TFCP2: variants seen among roughly 807,000 people sequenced by gnomAD.
TFCP2 encodes the protein transcription factor CP2.
A neutral mutation model predicts 73.4 loss-of-function variants in TFCP2; 33 were observed. The ratio of observed to expected loss-of-function variants is 0.45; its 90% CI spans 0.34 to 0.60. The LOEUF is 0.60. Ranked by LOEUF, TFCP2 falls within the 20% of genes least tolerant of loss-of-function variation. The pLI, the probability that TFCP2 is intolerant of heterozygous loss-of-function variation, is 0.01. For missense variants in TFCP2, 352 were observed against 604.0 expected, an observed-to-expected ratio of 0.58 and a Z score of 4.37; for synonymous variants, 193 against 211.6, an observed-to-expected ratio of 0.91 and a Z score of 0.76.
chr12:51,158,264 C>T (rs1051977471), intron 1 of TFCP2, among the ~76,000 whole-genome samples: 1 of 152,052 alleles, frequency 6.6e-6, no homozygotes, highest in Non-Finnish European at 1.5e-5. Context: ...AGAGCCCCCC[C>T]ATTCCTAAAG....
At chr12:51,159,325 T>C (rs1481290861) in intron 1 of TFCP2, among the ~76,000 whole-genome samples, 2 of 151,992 alleles carry the variant, frequency 1.3e-5, no homozygotes, top group Admixed American at 1.3e-4. Flanking sequence ...AATTCTTTCT[T>C]TTATTTTTAA....
chr12:51,116,519 C>T (rs531860490), intron 3 of TFCP2, 99 bp from the exon 4 acceptor site: 69 of 542,162 alleles, frequency 1.3e-4, no homozygotes, highest in African/African-American at 7.5e-4. Flanking sequence ...TGTTTCTAAA[C>T]GCAATCTAAA....
At chr12:51,138,465 T>C (rs1392656299) in intron 1 of TFCP2, among the ~76,000 whole-genome samples, 1 of 152,036 alleles carries the variant, frequency 6.6e-6, no homozygotes, top group Non-Finnish European at 1.5e-5. Context: ...CCTAGTTTTC[T>C]GTGTTTTAAG....
At chr12:51,167,870 G>A (rs1355144070) in intron 1 of TFCP2, among the ~76,000 whole-genome samples, 1 of 152,042 alleles carries the variant, frequency 6.6e-6, no homozygotes. Flanking sequence ...AGATCAGCCT[G>A]AGCAACACAG....
chr12:51,117,727 T>C lies in TFCP2; in HGVS notation c.295A>G (p.Met99Val). ...TCTCCAAGTTTCCTATTGTCTAGCATTCGAATTTCATAAGACTGTCCTAGA... is the reference window on the plus strand; with the variant it reads ...TCTCCAAGTTTCCTATTGTCTAGCACTCGAATTTCATAAGACTGTCCTAGA... ...LNQGQSYEIR[M>V]LDNRKLGELP... The change falls in exon 3 of 15, where the codon ATG (methionine) becomes GTG (valine). Residue 99 changes from methionine to valine, a missense_variant. Met to Val is a conservative substitution (Grantham distance 21). Transcript: ENST00000257915. 6.2e-7 allele frequency: 1 copy of C among 1,612,804 alleles called. No individual in the cohort carries two copies. The highest frequency in any genetic ancestry group is 8.5e-7 in the Non-Finnish European group (1 of 1,179,334).
chr12:51,162,142 C>A (rs115727015), intron 1 of TFCP2, among the ~76,000 whole-genome samples: 1 of 151,222 alleles, frequency 6.6e-6, no homozygotes, highest in Non-Finnish European at 1.5e-5. Context: ...GAAAAAAAAA[C>A]GAACAAAGAA....
Position 51,140,452 on chromosome 12 carries a change from T to C in TFCP2, c.123-21680A>G, listed in dbSNP as rs1401104915. Among the ~76,000 whole-genome samples the C allele has an allele frequency of 3.6e-5, 5 of 138,076 alleles. No homozygotes were observed. In the East Asian group the frequency reaches 8.2e-4, roughly 23 times the overall value. 90.6% of individuals were successfully genotyped at this position (138,076 alleles called of 152,430 possible). A position where few individuals can be genotyped will look rare whatever the true frequency, so the allele number is the denominator to read the frequency against. On this transcript the variant is annotated intron_variant, in intron 1 of 14. Coordinates refer to ENST00000257915, the MANE Select transcript of TFCP2 (RefSeq NM_005653.5). The stretch of plus-strand genomic sequence containing the variant: ...TATCTTTCTTTTCTTTTTCTTTTTT[T>C]TTTTTTTTTTTTTTGTAGAGGTGGG...
At chr12:51,124,426 T>C (rs935226430) in intron 1 of TFCP2, among the ~76,000 whole-genome samples, 2 of 152,070 alleles carry the variant, frequency 1.3e-5, no homozygotes, top group South Asian at 2.1e-4. Flanking sequence ...TCTTCTTCTT[T>C]TTTTTTTAAG....
intron 1 of TFCP2, among the ~76,000 whole-genome samples, chr12:51,147,562 G>A (rs1033201138): frequency 2.0e-5 from 3 of 151,946 alleles, no homozygotes; most frequent in Non-Finnish European, 4.4e-5. Flanking sequence ...ACAAAGTAGA[G>A]GGAAGGCTGG....
intron 1 of TFCP2, among the ~76,000 whole-genome samples, chr12:51,149,242 T>C (rs1322164097): frequency 3.3e-5 from 5 of 151,868 alleles, no homozygotes; most frequent in Non-Finnish European, 5.9e-5. Flanking sequence ...TGTTTAAGTA[T>C]AATACAATGG....
intron 1 of TFCP2, among the ~76,000 whole-genome samples, chr12:51,145,725 G>A (rs2452793): frequency 0.72 from 109,238 of 151,680 alleles, 42,642 homozygotes; most frequent in Non-Finnish European, 0.88. Flanking sequence ...CAAGGTGGGA[G>A]AACTGCCTGA....
intron 10 of TFCP2, among the ~76,000 whole-genome samples, chr12:51,103,264 C>T (rs1940154281): frequency 6.6e-6 from 1 of 151,434 alleles, no homozygotes; most frequent in African/African-American, 2.4e-5. Context: ...GCCTGGGTGA[C>T]AGAGTGAGAT....
At chr12:51,142,714 C>T (rs1941218846) in intron 1 of TFCP2, among the ~76,000 whole-genome samples, 1 of 152,318 alleles carries the variant, frequency 6.6e-6, no homozygotes, top group Non-Finnish European at 1.5e-5. Context: ...AGAAAGTCTT[C>T]CCACATCCGC....
chr12:51,117,860 T>G (rs982104857), intron 2 of TFCP2, 113 bp from the exon 3 acceptor site: 3 of 659,124 alleles, frequency 4.6e-6, no homozygotes, highest in African/African-American at 3.6e-5. Flanking sequence ...ATTATTAGTA[T>G]TAGTAACAAC....
chr12:51,115,667 A>G (rs144243533), intron 4 of TFCP2, among the ~76,000 whole-genome samples: 1 of 152,344 alleles, frequency 6.6e-6, no homozygotes, highest in Non-Finnish European at 1.5e-5. Context: ...TCATGGGATG[A>G]ATGGATAAAC....
chr12:51,116,156 T>G (rs1940525519), intron 4 of TFCP2, among the ~76,000 whole-genome samples, 159 bp downstream of exon 4: 1 of 152,252 alleles, frequency 6.6e-6, no homozygotes, highest in Non-Finnish European at 1.5e-5. Flanking sequence ...TCATTTTAAC[T>G]TGTATTACTT....
chr12:51,136,207 G>C (rs2137009437), intron 1 of TFCP2, among the ~76,000 whole-genome samples: 1 of 152,036 alleles, frequency 6.6e-6, no homozygotes, highest in South Asian at 2.1e-4. Flanking sequence ...TACTCAGGAG[G>C]CTGAGGCAGG....
chr12:51,148,137 A>C (rs1255803016), intron 1 of TFCP2, among the ~76,000 whole-genome samples: 1 of 152,164 alleles, frequency 6.6e-6, no homozygotes, highest in Admixed American at 6.5e-5. Context: ...AAAAAAAAAT[A>C]GATGTTGGCA....
intron 6 of TFCP2, among the ~76,000 whole-genome samples, chr12:51,108,123 A>G (rs1457845650): frequency 2.0e-5 from 3 of 151,410 alleles, no homozygotes; most frequent in Admixed American, 1.3e-4. Flanking sequence ...TGTCTCTACT[A>G]AAAATACAAA....
Sources: gnomAD v4.1 joint callset for allele counts (sites outside exome capture counted in the v4.1 genomes callset) on GRCh38, gnomAD v4.1.1 for gene constraint, MANE v1.5 for transcripts, NCBI Gene and HGNC (gene_info 2026-07-23, HGNC 2026-07-21) for gene names.